SGCD: variants seen among roughly 807,000 people sequenced by gnomAD.
SGCD encodes sarcoglycan delta.
SGCD carries 18 observed loss-of-function variants against 36.6 expected under a neutral mutation model. The observed-to-expected ratio is 0.49, with a 90% confidence interval of 0.34 to 0.73. The LOEUF is 0.73. Ranked by LOEUF, SGCD falls within the 30% of genes least tolerant of loss-of-function variation. SGCD has a pLI of 0.01. For missense variants in SGCD, 387 were observed against 346.7 expected, an observed-to-expected ratio of 1.12 and a Z score of -0.92; for synonymous variants, 133 against 130.6, an observed-to-expected ratio of 1.02 and a Z score of -0.12.
At chr5:156,241,834 C>T (rs1212458854) in intron 3 of SGCD, among the ~76,000 whole-genome samples, 1 of 152,146 alleles carries the variant, frequency 6.6e-6, no homozygotes, top group Non-Finnish European at 1.5e-5. Flanking sequence ...TCACTACGGC[C>T]ACTTAGTATT....
At chr5:156,633,288 G>A (rs1394866121) in intron 6 of SGCD, among the ~76,000 whole-genome samples, 1 of 152,304 alleles carries the variant, frequency 6.6e-6, no homozygotes, top group Middle Eastern at 3.4e-3. Flanking sequence ...GATTGGTCAG[G>A]TGTAGACAGG....
intron 3 of SGCD, among the ~76,000 whole-genome samples, chr5:156,198,926 G>A (rs758251878): frequency 6.6e-6 from 1 of 151,882 alleles, no homozygotes; most frequent in Non-Finnish European, 1.5e-5. Context: ...AAACTCATGG[G>A]CTAAAGTGAT....
chr5:155,798,466 A>G, the SGCD span, among the ~76,000 whole-genome samples: 51 of 152,344 alleles, frequency 3.3e-4, no homozygotes, highest in Non-Finnish European at 6.8e-4. Context: ...CACTATTTCT[A>G]TAGAAGAATT....
At chr5:156,239,449 A>G (rs1355084833) in intron 3 of SGCD, among the ~76,000 whole-genome samples, 2 of 151,208 alleles carry the variant, frequency 1.3e-5, no homozygotes, top group Non-Finnish European at 2.9e-5. Flanking sequence ...AAGGGGGAAT[A>G]GTATAGTGCA....
chr5:156,705,546 C>A (rs116461503), intron 7 of SGCD, among the ~76,000 whole-genome samples: 2 of 152,246 alleles, frequency 1.3e-5, no homozygotes, highest in Non-Finnish European at 2.9e-5. Context: ...CTGACTGATA[C>A]AAATCCAAAG....
At chr5:156,139,777 A>G (rs1762533568) in intron 3 of SGCD, among the ~76,000 whole-genome samples, 1 of 152,186 alleles carries the variant, frequency 6.6e-6, no homozygotes, top group South Asian at 2.1e-4. Context: ...CATAGTTGCT[A>G]TGGTTCGAAG....
At chr5:155,966,480 A>G (rs1757904426) in intron 1 of SGCD, among the ~76,000 whole-genome samples, 1 of 152,190 alleles carries the variant, frequency 6.6e-6, no homozygotes, top group African/African-American at 2.4e-5. Flanking sequence ...AATGCTAGGC[A>G]AAAGTCAAGT....
chr5:156,427,364 G>A (rs1773719548), intron 3 of SGCD, among the ~76,000 whole-genome samples: 1 of 152,050 alleles, frequency 6.6e-6, no homozygotes, highest in East Asian at 1.9e-4. Context: ...GTGTATAACA[G>A]TGCTATTGAT....
chr5:156,323,899 C>T (rs1020573099), upstream of SGCD, among the ~76,000 whole-genome samples: 5 of 152,098 alleles, frequency 3.3e-5, no homozygotes, highest in Admixed American at 6.6e-5. Flanking sequence ...ACAGTCCTAT[C>T]GTATTAAATA....
At chr5:156,565,911 G>A (rs138478085) in intron 4 of SGCD, among the ~76,000 whole-genome samples, 3,925 of 152,274 alleles carry the variant, frequency 0.026, 115 homozygotes, top group African/African-American at 0.062. Flanking sequence ...ATTCCATAGT[G>A]TATTATGTGC....
chr5:156,411,107 G>A (rs1401675908), intron 3 of SGCD, among the ~76,000 whole-genome samples: 2 of 152,010 alleles, frequency 1.3e-5, no homozygotes, highest in Non-Finnish European at 2.9e-5. Flanking sequence ...TTATTTCTTT[G>A]ATGCCATGTG....
intron 1 of SGCD, among the ~76,000 whole-genome samples, chr5:155,913,299 G>A (rs1756668001): frequency 6.6e-6 from 1 of 152,140 alleles, no homozygotes; most frequent in African/African-American, 2.4e-5. Flanking sequence ...TACCTTGTCT[G>A]CAAATGACTT....
At chr5:155,849,334 A>G in the SGCD span, among the ~76,000 whole-genome samples, 1,466 of 152,270 alleles carry the variant, frequency 9.6e-3, 24 homozygotes, top group African/African-American at 0.034. Flanking sequence ...AATTTTTAAT[A>G]CTGAAATTGC....
At position 156,451,636 on chromosome 5, in the gene SGCD, C is replaced by T. The variant is rs187101829; in HGVS notation, c.193-56965C>T. Among the ~76,000 whole-genome samples, 7 of 152,242 alleles carry T rather than the reference C, an allele frequency of 4.6e-5. No homozygotes were observed. The East Asian group carries it at 1.4e-3, about 29-fold the overall frequency. On this transcript the variant is annotated intron_variant, in intron 3 of 8. Coordinates refer to ENST00000337851, the MANE Select transcript of SGCD (RefSeq NM_000337.6). The stretch of plus-strand genomic sequence containing the variant: ...ACCAAGCCTGGAGAAGTTTTGATAA[C>T]TAAAGGTTTTACCAAGAAGACAAAA...
chr5:156,368,088 C>T (rs959671901), intron 3 of SGCD, among the ~76,000 whole-genome samples: 2 of 146,258 alleles, frequency 1.4e-5, no homozygotes, highest in Admixed American at 6.8e-5. Context: ...TTCACGCTTG[C>T]TTTTTTTTTT....
the SGCD span, among the ~76,000 whole-genome samples, chr5:155,777,720 T>C: frequency 2.0e-5 from 3 of 152,122 alleles, no homozygotes; most frequent in African/African-American, 4.8e-5. Context: ...TGACGCATGA[T>C]TTGGCCATTT....
At chr5:156,297,070 C>G (rs1281312756) in intron 3 of SGCD, among the ~76,000 whole-genome samples, 1 of 151,374 alleles carries the variant, frequency 6.6e-6, no homozygotes, top group Non-Finnish European at 1.5e-5. Context: ...TATTTTGATA[C>G]AGACATACAA....
intron 8 of SGCD, among the ~76,000 whole-genome samples, chr5:156,758,389 G>C (rs1404824155): frequency 7.1e-6 from 1 of 140,826 alleles, no homozygotes; most frequent in African/African-American, 2.7e-5. Context: ...AAATCTGTGT[G>C]TTTTTTTTTT....
chr5:156,489,864 T>A (rs1024586435), intron 3 of SGCD, among the ~76,000 whole-genome samples: 14 of 150,980 alleles, frequency 9.3e-5, no homozygotes, highest in Non-Finnish European at 1.0e-4. Context: ...AAACAAATAA[T>A]AAAGATCACA....
Sources: gnomAD v4.1 joint callset for allele counts (sites outside exome capture counted in the v4.1 genomes callset) on GRCh38, gnomAD v4.1.1 for gene constraint, MANE v1.5 for transcripts, NCBI Gene and HGNC (gene_info 2026-07-23, HGNC 2026-07-21) for gene names.